LHPP: variants seen among roughly 807,000 people sequenced by gnomAD.
The protein encoded by LHPP is phospholysine phosphohistidine inorganic pyrophosphate phosphatase, also known as hLHPP.
In LHPP, 24 loss-of-function variants were observed where a neutral mutation model predicts 30.3. The observed-to-expected ratio is 0.79, with a 90% CI of 0.57 to 1.11. The LOEUF is 1.11. LHPP is among the 50% of genes most tolerant of loss of function. LHPP has a pLI of 0.00. For missense variants in LHPP, 356 were observed against 367.2 expected (o/e 0.97, Z 0.25); for synonymous variants, 150 against 157.1 (o/e 0.95, Z 0.34).
intron 1 of LHPP, among the ~76,000 whole-genome samples, chr10:124,469,795 C>T (rs1421014013): frequency 2.0e-5 from 3 of 152,114 alleles, no homozygotes; most frequent in Non-Finnish European, 4.4e-5. Context: ...GACCAGCAGG[C>T]GACAGCGTGC....
intron 6 of LHPP, among the ~76,000 whole-genome samples, chr10:124,609,671 C>T (rs1023512735): frequency 3.3e-5 from 5 of 152,210 alleles, no homozygotes; most frequent in African/African-American, 4.8e-5. Context: ...TTCACCTTTC[C>T]GTTAGGAAGC....
intron 6 of LHPP, among the ~76,000 whole-genome samples, chr10:124,575,809 C>T (rs1468153940): frequency 6.6e-6 from 1 of 152,174 alleles, no homozygotes; most frequent in Non-Finnish European, 1.5e-5. Context: ...CACACCCTGA[C>T]CCCCAAAGGC....
chr10:124,524,179 A>T (rs1333646250), intron 6 of LHPP, among the ~76,000 whole-genome samples: 1 of 151,984 alleles, frequency 6.6e-6, no homozygotes, highest in African/African-American at 2.4e-5. Flanking sequence ...GAAGCCTCAA[A>T]TCGTTTAGCT....
rs185223424 is a variant in LHPP, at chr10:124,559,500, C to T, written c.716+42229C>T. ...GGCCTGGCTGGCTTCCCCAGGTCCA[C>T]ACCCTTCCAGCGAAGTCACATCACA... On this transcript the variant is annotated intron_variant, in intron 6 of 6. Coordinates refer to ENST00000368842, the MANE Select transcript of LHPP (RefSeq NM_022126.4). 4.9e-3 allele frequency among the ~76,000 whole-genome samples: 740 copies of T among 152,376 alleles called. 4 individuals carry two copies. Among genetic ancestry groups the T allele is most frequent in the Non-Finnish European group, 7.9e-3 (538 of 68,036 alleles).
intron 6 of LHPP, among the ~76,000 whole-genome samples, chr10:124,599,872 C>A (rs965954635): frequency 1.3e-5 from 2 of 152,230 alleles, no homozygotes; most frequent in Admixed American, 1.3e-4. Flanking sequence ...TGGAAGGTCC[C>A]AACTGGGTCC....
At chr10:124,568,391 C>T (rs886447243) in intron 6 of LHPP, among the ~76,000 whole-genome samples, 2 of 152,230 alleles carry the variant, frequency 1.3e-5, no homozygotes, top group Non-Finnish European at 2.9e-5. Flanking sequence ...CCCCCATCCC[C>T]GGGGTGACCA....
chr10:124,520,961 A>G (rs188500098), intron 6 of LHPP, among the ~76,000 whole-genome samples: 30 of 152,306 alleles, frequency 2.0e-4, no homozygotes, highest in African/African-American at 7.0e-4. Context: ...AATTTCACCC[A>G]TTTATTTAAA....
At chr10:124,503,966 C>T (rs138814946) in intron 5 of LHPP, among the ~76,000 whole-genome samples, 3 of 152,186 alleles carry the variant, frequency 2.0e-5, no homozygotes, top group African/African-American at 4.8e-5. Context: ...CCAAGGAGGG[C>T]GGATCACCTG....
At chr10:124,482,270 T>G (rs1258557889) in intron 1 of LHPP, among the ~76,000 whole-genome samples, 1 of 152,228 alleles carries the variant, frequency 6.6e-6, no homozygotes, top group Non-Finnish European at 1.5e-5. Flanking sequence ...TTCTATAAAT[T>G]TTAAATTATT....
chr10:124,583,043 C>A (rs1396686593), intron 6 of LHPP, among the ~76,000 whole-genome samples: 1 of 152,158 alleles, frequency 6.6e-6, no homozygotes, highest in Admixed American at 6.5e-5. Flanking sequence ...CCATGCAGTT[C>A]AAACCCAGTT....
chr10:124,613,380 C>T lies in LHPP; in HGVS notation c.*20C>T, dbSNP rs747854343. 5.7e-6 allele frequency: 9 copies of T among 1,569,622 alleles called. No individual in the cohort carries two copies. Among genetic ancestry groups the T allele is most frequent in the African/African-American group, 2.7e-5 (2 of 73,920 alleles). The stretch of plus-strand genomic sequence containing the variant: ...AAGTGATGGCCTCCTGGGAGAGCCC[C>T]GCCTCCTCCACCCCTGCCTCTCCTC... On this transcript the variant is annotated 3_prime_UTR_variant, in exon 7 of 7. Transcript: ENST00000368842.
At chr10:124,560,862 T>A (rs1948384501) in intron 6 of LHPP, among the ~76,000 whole-genome samples, 1 of 152,000 alleles carries the variant, frequency 6.6e-6, no homozygotes, top group Non-Finnish European at 1.5e-5. Flanking sequence ...GAGGAGAAAA[T>A]CAAAACCGTG....
At position 124,590,320 on chromosome 10, in the gene LHPP, C is replaced by T. The variant is rs1367491094; in HGVS notation, c.717-22944C>T. On this transcript the variant is annotated intron_variant, in intron 6 of 6. Transcript: ENST00000368842. The surrounding 1 kb of genome is among the most constrained non-coding windows in gnomAD (Gnocchi z 4.3). Reference sequence around the variant, plus strand: ...GCTCAGGAGTGGCTCCCACCCTCGACTGCGGGGAAGTGCTGGAACCCTCCG... The same window carrying T: ...GCTCAGGAGTGGCTCCCACCCTCGATTGCGGGGAAGTGCTGGAACCCTCCG... 1.3e-5 allele frequency among the ~76,000 whole-genome samples: 2 copies of T among 152,200 alleles called. No individual in the cohort carries two copies. Among genetic ancestry groups the T allele is most frequent in the Non-Finnish European group, 2.9e-5 (2 of 68,036 alleles).
intron 6 of LHPP, among the ~76,000 whole-genome samples, chr10:124,594,692 G>A (rs1035453562): frequency 2.3e-4 from 35 of 150,288 alleles, no homozygotes; most frequent in African/African-American, 8.3e-4. Flanking sequence ...ATGCAGTGGT[G>A]TGATCTCAGC....
At chr10:124,610,852 CGGAGCGGGTGAGGGTGA>C (rs1564853113) in intron 6 of LHPP, among the ~76,000 whole-genome samples, 1 of 2,876 alleles carries the variant, frequency 3.5e-4, no homozygotes, top group African/African-American at 1.7e-3. Flanking sequence ...AGGGTGTTGA[CGGAGCGGGTGAGGGTGA>C]GGGTGAGGGT....
intron 3 of LHPP, among the ~76,000 whole-genome samples, chr10:124,491,876 G>A (rs1481884280): frequency 6.6e-6 from 1 of 152,214 alleles, no homozygotes; most frequent in Non-Finnish European, 1.5e-5. Context: ...AGTAAGTCAA[G>A]ACTGCGCCAT....
At chr10:124,488,760 C>T (rs764066467) in intron 3 of LHPP, among the ~76,000 whole-genome samples, 185 bp downstream of exon 3, 1 of 152,070 alleles carries the variant, frequency 6.6e-6, no homozygotes, top group Non-Finnish European at 1.5e-5. Context: ...TTAATCATTT[C>T]TTTAGGAAAT....
At chr10:124,538,524 C>T (rs368276658) in intron 6 of LHPP, among the ~76,000 whole-genome samples, 30 of 152,186 alleles carry the variant, frequency 2.0e-4, no homozygotes, top group African/African-American at 7.0e-4. Context: ...GGACAGGCCT[C>T]CCTCCCCCCA....
At chr10:124,552,456 A>G (rs535655382) in intron 6 of LHPP, among the ~76,000 whole-genome samples, 38 of 152,242 alleles carry the variant, frequency 2.5e-4, no homozygotes, top group Middle Eastern at 6.8e-3. Context: ...AGCTGTCTAA[A>G]GAAGCACCTG....
Sources: allele counts gnomAD v4.1 joint callset (sites outside exome capture counted in the v4.1 genomes callset), GRCh38; gene constraint gnomAD v4.1.1; non-coding constraint Gnocchi (gnomAD v3.1); transcripts MANE v1.5; gene names NCBI Gene and HGNC (gene_info 2026-07-23, HGNC 2026-07-21).